Variants in N4BP2 observed in about 807,000 individuals in gnomAD.
N4BP2 encodes the protein NEDD4-binding protein 2.
A neutral mutation model predicts 152.8 loss-of-function variants in N4BP2; 91 were observed. That is an observed-to-expected ratio of 0.60 (90% CI 0.50 to 0.71). N4BP2 has a LOEUF of 0.71. Ranked by LOEUF, N4BP2 falls within the 30% of genes least tolerant of loss-of-function variation. The pLI, the probability that N4BP2 is intolerant of heterozygous loss-of-function variation, is 0.00. For synonymous variants in N4BP2, 646 were observed against 705.3 expected (o/e 0.92, Z 1.33); for missense variants, 1,923 against 2,059.1 (o/e 0.93, Z 1.28).
chr4:40,158,617 G>A (rs886754429), downstream of N4BP2, among the ~76,000 whole-genome samples: 16 of 152,044 alleles, frequency 1.1e-4, no homozygotes, highest in Non-Finnish European at 1.5e-5. Flanking sequence ...GGCCAACATG[G>A]TGAAACTCTG....
In N4BP2 at chr4:40,118,019, C is replaced by T; in HGVS notation, c.1815C>T (p.Ser605=). 6.4e-7 allele frequency: 1 copy of T among 1,572,522 alleles called. No homozygotes were observed. Among genetic ancestry groups the T allele is most frequent in the Middle Eastern group, 1.7e-4 (1 of 5,874 alleles). The part of the protein sequence containing the change: ...ELCAYSCEDR[S]TSPRDDEDII... ...GTGCATATTCTTGTGAGGATAGAAG[C>T]ACTAGGTAGGTTAAAATGCCTTATG... The change falls in exon 8 of 18, where the codon AGC becomes AGT. Residue 605 remains serine (S), a synonymous_variant. Transcript: ENST00000261435.
In N4BP2 at chr4:40,102,961, C is replaced by T. The variant is rs1560595371; in HGVS notation, c.1116C>T (p.Leu372=). 1 of 1,614,218 alleles carries T rather than the reference C, an allele frequency of 6.2e-7. No homozygotes were observed. ...MWNPMIPAFD[L]FQGNHGFVAP... is the part of the protein sequence containing the mutation. ...ATCCAATGATTCCTGCTTTTGACCT[C>T]TTCCAAGGAAACCATGGCTTTGTAG... Residue 372 remains leucine, a synonymous_variant, in exon 4 of 18, where the codon CTC becomes CTT. Coordinates refer to ENST00000261435, the MANE Select transcript of N4BP2 (RefSeq NM_018177.6).
In N4BP2 at chr4:40,127,222, T is replaced by A. The variant is rs555335332; in HGVS notation, c.4527+892T>A. The stretch of plus-strand genomic sequence containing the variant: ...CTTCTTCTTCTTTTTTTCTTTTTTT[T>A]AATTTTATTTGTTTGAAACAGGGTC... On this transcript the variant is annotated intron_variant, in intron 12 of 17. Transcript: ENST00000261435. Among the ~76,000 whole-genome samples the A allele has an allele frequency of 6.0e-4, 91 of 152,098 alleles. 1 individual carries two copies. The South Asian group carries it at 9.4e-3, about 16-fold the overall frequency.
At chr4:40,069,176 G>A (rs1206998604) in intron 1 of N4BP2, among the ~76,000 whole-genome samples, 1 of 151,890 alleles carries the variant, frequency 6.6e-6, no homozygotes, top group Non-Finnish European at 1.5e-5. Context: ...AGTGACTCAT[G>A]CCTGTAATGC....
downstream of N4BP2, among the ~76,000 whole-genome samples, chr4:40,163,234 G>A (rs1243886036): frequency 6.6e-6 from 1 of 152,206 alleles, no homozygotes; most frequent in East Asian, 1.9e-4. Flanking sequence ...GCACCACTGG[G>A]TACTTTGCAA....
chr4:40,148,426 CAGAGGGAGACCGTGGAAAGAGAGGG>C (rs1457820715), intron 16 of N4BP2, among the ~76,000 whole-genome samples: 5 of 141,346 alleles, frequency 3.5e-5, no homozygotes, highest in Admixed American at 1.5e-4. Flanking sequence ...GGCTCGGCAT[CAGAGGGAGACCGTGGAAAGAGAGGG>C]AGAGGGAGAC....
At chr4:40,130,218 TG>T (rs1718793340) in intron 12 of N4BP2, among the ~76,000 whole-genome samples, 1 of 151,768 alleles carries the variant, frequency 6.6e-6, no homozygotes, top group East Asian at 1.9e-4. Context: ...TTAGTATAGA[TG>T]GGGTTTTGCC....
chr4:40,176,628 C>T, the N4BP2 span, among the ~76,000 whole-genome samples: 2 of 152,294 alleles, frequency 1.3e-5, no homozygotes, highest in South Asian at 4.1e-4. Context: ...GAACAGTAAC[C>T]GTAACAAATG....
In N4BP2 at chr4:40,102,896, C is replaced by T. The variant is rs867486328; in HGVS notation, c.1051C>T (p.Pro351Ser). The T allele has an allele frequency of 6.2e-7, 1 of 1,614,174 alleles. No individual in the cohort carries two copies. The highest frequency in any genetic ancestry group is 8.5e-7 in the Non-Finnish European group (1 of 1,180,036). The part of the protein sequence containing the change: ...VSYCPVLAPL[P>S]LLLPPPPPPP... ...TTACTGCCCGGTACTTGCTCCTCTC[C>T]CATTGCTGTTGCCTCCTCCGCCACC... The change falls in exon 4 of 18, where the codon CCA becomes TCA. Residue 351 changes from proline to serine, a missense_variant. Physicochemically the swap from Pro to Ser is moderately conservative, Grantham distance 74. Transcript: ENST00000261435.
intron 3 of N4BP2, among the ~76,000 whole-genome samples, chr4:40,099,202 G>A (rs1047339776): frequency 5.3e-5 from 8 of 152,074 alleles, no homozygotes; most frequent in African/African-American, 1.9e-4. Context: ...TAAGTGTAGT[G>A]GTTTCACTTC....
chr4:40,146,370 A>C (rs1720521368), intron 16 of N4BP2, among the ~76,000 whole-genome samples: 1 of 152,098 alleles, frequency 6.6e-6, no homozygotes. Context: ...AACTTCTCAC[A>C]GTACTCCTAC....
intron 1 of N4BP2, among the ~76,000 whole-genome samples, chr4:40,061,721 GT>G (rs1189468908): frequency 2.0e-5 from 3 of 150,124 alleles, no homozygotes; most frequent in Non-Finnish European, 4.4e-5. Flanking sequence ...TTGGAGTGCA[GT>G]GGTGTGATCT....
Position 40,097,372 on chromosome 4 carries a change from A to T in N4BP2, c.32A>T (p.Asn11Ile). The T allele has an allele frequency of 6.2e-7, 1 of 1,613,946 alleles. No homozygotes were observed. The highest frequency in any genetic ancestry group is 8.5e-7 in the Non-Finnish European group (1 of 1,179,874). Reference protein sequence around the residue: MPRRRKNLGGNPFRKTANPKE... With the variant: MPRRRKNLGGIPFRKTANPKE... Reference sequence around the variant, plus strand: ...AGGAGAAGGAAAAATCTTGGGGGAAATCCTTTTCGGAAGACTGCAAACCCT... The same window carrying T: ...AGGAGAAGGAAAAATCTTGGGGGAATTCCTTTTCGGAAGACTGCAAACCCT... The change falls in exon 3 of 18, where the codon AAT (asparagine) becomes ATT (isoleucine). Residue 11 changes from asparagine (N) to isoleucine (I), a missense_variant. Coordinates refer to ENST00000261435, the MANE Select transcript of N4BP2 (RefSeq NM_018177.6).
chr4:40,061,682 T>G (rs1426432812), intron 1 of N4BP2, among the ~76,000 whole-genome samples: 1 of 149,810 alleles, frequency 6.7e-6, no homozygotes, highest in African/African-American at 2.5e-5. Flanking sequence ...TTTTTTTTTT[T>G]GGGTGGAGTT....
At chr4:40,170,284 A>C in the N4BP2 span, among the ~76,000 whole-genome samples, 1 of 152,182 alleles carries the variant, frequency 6.6e-6, no homozygotes, top group Non-Finnish European at 1.5e-5. Flanking sequence ...TAAAGATTAC[A>C]AATAAAAAAG....
rs565509524 is a variant in N4BP2, at chr4:40,120,140, A to G, written c.2029A>G (p.Ile677Val). 3.8e-5 allele frequency: 62 copies of G among 1,612,682 alleles called. No individual in the cohort carries two copies. In the South Asian group the frequency reaches 5.4e-4, roughly 14 times the overall value. The change falls in exon 9 of 18, where the codon ATT becomes GTT. Residue 677 changes from isoleucine (I) to valine (V), a missense_variant. Transcript: ENST00000261435. ...GAATCCTAGCATTCAAAGTGCTTTA[A>G]TTCTGGAAACTCCACACATGTATTT... The part of the protein sequence containing the change: ...DMNPSIQSAL[I>V]LETPHMYFSD...
Position 40,127,384 on chromosome 4 carries a change from C to G in N4BP2, c.4527+1054C>G, listed in dbSNP as rs1244702140. Reference sequence around the variant, plus strand: ...AGGCATGTGCCACCATGCCTGGCTACTTTTATTTTTTGTAGAGATGGGGTC... The same window carrying G: ...AGGCATGTGCCACCATGCCTGGCTAGTTTTATTTTTTGTAGAGATGGGGTC... On this transcript the variant is annotated intron_variant, in intron 12 of 17. Transcript: ENST00000261435. Among the ~76,000 whole-genome samples, 5 of 150,668 alleles carry G rather than the reference C, an allele frequency of 3.3e-5. No individual in the cohort carries two copies. The East Asian group carries it at 9.9e-4, about 30-fold the overall frequency.
chr4:40,111,553 T>G (rs1716885879), intron 5 of N4BP2, among the ~76,000 whole-genome samples: 1 of 152,168 alleles, frequency 6.6e-6, no homozygotes, highest in Non-Finnish European at 1.5e-5. Flanking sequence ...ACTCCTGACC[T>G]CATGATCCGC....
At position 40,127,734 on chromosome 4, in the gene N4BP2, C is replaced by T. The variant is rs551905482; in HGVS notation, c.4527+1404C>T. ...GGAGTGCAGTGGTGCGATCTTGGCT[C>T]GCTGCATGCTCCGTCTCCCGGGTTC... On this transcript the variant is annotated intron_variant, in intron 12 of 17. Transcript: ENST00000261435. Among the ~76,000 whole-genome samples the T allele has an allele frequency of 3.7e-3, 558 of 152,176 alleles. 4 individuals carry two copies. Among genetic ancestry groups the T allele is most frequent in the Admixed American group, 6.9e-3 (105 of 15,298 alleles).
Sources: allele counts gnomAD v4.1 joint callset (sites outside exome capture counted in the v4.1 genomes callset), GRCh38; gene constraint gnomAD v4.1.1; transcripts MANE v1.5; gene names NCBI Gene and HGNC (gene_info 2026-07-23, HGNC 2026-07-21).